Variants in AMMECR1 observed in about 807,000 individuals in gnomAD.
AMMECR1 encodes the protein nuclear protein AMMECR1.
AMMECR1 carries 3 observed loss-of-function variants against 22.5 expected under a neutral mutation model. The ratio of observed to expected loss-of-function variants is 0.13; its 90% CI spans 0.06 to 0.35. The LOEUF is 0.35. Ranked by LOEUF, AMMECR1 falls within the 10% of genes least tolerant of loss-of-function variation. The probability of loss-of-function intolerance (pLI) is 1.00; values close to 1 mark genes in which losing one functional copy is unlikely to be tolerated. For missense variants in AMMECR1, 235 were observed against 278.7 expected (o/e 0.84, Z 1.12); for synonymous variants, 130 against 116.7 (o/e 1.11, Z -0.74).
chrX:110,401,336 C>T (rs781190640), intron 2 of AMMECR1, among the ~76,000 whole-genome samples: 13 of 111,376 alleles, frequency 1.2e-4, no homozygotes, highest in Non-Finnish European at 2.5e-4. Flanking sequence ...GGACTCAGTA[C>T]TACAGTGCCA....
rs1171134056 is a variant in AMMECR1 at position 110,197,986 on chromosome X, T to C, written c.*534A>G. On this transcript the variant is annotated 3_prime_UTR_variant, in exon 6 of 6. Coordinates refer to ENST00000262844, the MANE Select transcript of AMMECR1 (RefSeq NM_015365.3). ...GTGAATTTCAGACAAAAATCAAGAG[T>C]AATATACAAATACCTGAATTTGATA... 3 of 110,615 alleles carry C rather than the reference T, an allele frequency of 2.7e-5. No individual in the cohort carries two copies. Among genetic ancestry groups the C allele is most frequent in the Non-Finnish European group, 5.7e-5 (3 of 52,758 alleles). 9.1% of individuals were successfully genotyped at this position (110,615 alleles called of 1,213,427 possible).
In AMMECR1 at chrX:110,368,278, C is replaced by T. The variant is rs763579193; in HGVS notation, c.-147-50429G>A. Among the ~76,000 whole-genome samples, 5 of 110,707 alleles carry T rather than the reference C, an allele frequency of 4.5e-5. No individual in the cohort carries two copies. In the East Asian group the frequency reaches 1.1e-3, roughly 25 times the overall value. On this transcript the variant is annotated intron_variant, in intron 2 of 7. Coordinates refer to the AMMECR1 transcript ENST00000372057. ...TGTCATGCTCCTGCTCAAAACCGTC[C>T]GTGGCCTTTTATATTGTTCACAATA... is the stretch of plus-strand genomic sequence containing the variant.
intron 2 of AMMECR1, among the ~76,000 whole-genome samples, chrX:110,339,713 C>T (rs1012208543): frequency 5.4e-5 from 6 of 110,226 alleles, no homozygotes; most frequent in South Asian, 3.9e-4. Context: ...TCAGGCTGGT[C>T]TCGAACTCCC....
rs137910633 is a variant in AMMECR1 at position 110,349,971 on chromosome X, C to T, written c.-147-32122G>A. 5.7e-3 allele frequency among the ~76,000 whole-genome samples: 635 copies of T among 111,868 alleles called. 3 individuals carry two copies. Among genetic ancestry groups the T allele is most frequent in the Middle Eastern group, 9.2e-3 (2 of 217 alleles). The stretch of plus-strand genomic sequence containing the variant: ...ATCAAGGAGATTAAGGAAAAGATGA[C>T]GTATACCGGTAGAACACAGACTTAA... On this transcript the variant is annotated intron_variant, in intron 2 of 7. Transcript: ENST00000372057.
chrX:110,394,910 A>G (rs1323540876), intron 2 of AMMECR1, among the ~76,000 whole-genome samples: 2 of 112,701 alleles, frequency 1.8e-5, no homozygotes, highest in Non-Finnish European at 3.8e-5. Context: ...TGTGTGACTC[A>G]CCCTGTGGTG....
chrX:110,430,454 C>G (rs924492154), intron 1 of AMMECR1, among the ~76,000 whole-genome samples: 1 of 112,465 alleles, frequency 8.9e-6, no homozygotes, highest in Non-Finnish European at 1.9e-5. Context: ...CAGACTCAGA[C>G]AGGCTGAATA....
intron 2 of AMMECR1, among the ~76,000 whole-genome samples, chrX:110,219,134 T>C (rs2067488668): frequency 8.9e-6 from 1 of 111,849 alleles, no homozygotes; most frequent in South Asian, 3.7e-4. Flanking sequence ...GATGTATGTT[T>C]TCATTTCTCT....
rs139983279 is a variant in AMMECR1, at chrX:110,349,023, A to G, written c.-147-31174T>C. 6.4e-3 allele frequency among the ~76,000 whole-genome samples: 722 copies of G among 112,355 alleles called. 7 individuals carry two copies. Among genetic ancestry groups the G allele is most frequent in the African/African-American group, 0.023 (700 of 30,966 alleles). On this transcript the variant is annotated intron_variant, in intron 2 of 7. Coordinates refer to the AMMECR1 transcript ENST00000372057. Reference sequence around the variant, plus strand: ...TTAAATGAGCAAAAGAAATTCAGTGATAAGATCTCATTGGCCTTAAAAGAA... The same window carrying G: ...TTAAATGAGCAAAAGAAATTCAGTGGTAAGATCTCATTGGCCTTAAAAGAA...
At chrX:110,200,480 A>G (rs1175699956) in intron 5 of AMMECR1, among the ~76,000 whole-genome samples, 2 of 111,684 alleles carry the variant, frequency 1.8e-5, no homozygotes, top group South Asian at 3.7e-4. Context: ...AAGCATCCCT[A>G]TTTTTTCATG....
chrX:110,421,665 A>G (rs2068718409), intron 2 of AMMECR1, among the ~76,000 whole-genome samples: 1 of 112,827 alleles, frequency 8.9e-6, no homozygotes, highest in Non-Finnish European at 1.9e-5. Flanking sequence ...TCATGTGCCA[A>G]TTTGTCTATT....
At chrX:110,410,410 G>A (rs5942920) in intron 2 of AMMECR1, among the ~76,000 whole-genome samples, 12,392 of 111,592 alleles carry the variant, frequency 0.11, 1,606 homozygotes, top group African/African-American at 0.37. Context: ...TAGGACAAGA[G>A]GAACTCGCCA....
intron 2 of AMMECR1, among the ~76,000 whole-genome samples, chrX:110,233,911 A>G (rs1173580936): frequency 8.9e-6 from 1 of 112,229 alleles, no homozygotes; most frequent in Non-Finnish European, 1.9e-5. Context: ...TCCTTTGAAA[A>G]CTGGCAGAAG....
At chrX:110,387,041 C>T (rs889647957) in intron 2 of AMMECR1, among the ~76,000 whole-genome samples, 4 of 112,269 alleles carry the variant, frequency 3.6e-5, no homozygotes, top group African/African-American at 1.3e-4. Flanking sequence ...GCACTTGGGG[C>T]TGAGGTGGTC....
At chrX:110,230,303 C>A (rs954526368) in intron 2 of AMMECR1, among the ~76,000 whole-genome samples, 1 of 112,037 alleles carries the variant, frequency 8.9e-6, no homozygotes, top group Admixed American at 9.4e-5. Context: ...GACGAAGCTT[C>A]CAGAGGAAGT....
intron 5 of AMMECR1, among the ~76,000 whole-genome samples, chrX:110,200,149 GC>G: frequency 9.0e-6 from 1 of 110,959 alleles, no homozygotes; most frequent in Admixed American, 9.5e-5. Context: ...TTCAAACCCA[GC>G]CCCCAGCTGA....
chrX:110,352,167 C>T (rs1378369590), intron 2 of AMMECR1, among the ~76,000 whole-genome samples: 12 of 111,854 alleles, frequency 1.1e-4, no homozygotes, highest in African/African-American at 3.2e-5. Context: ...GGCATTTTCT[C>T]AAAAAGTTAA....
intron 2 of AMMECR1, among the ~76,000 whole-genome samples, chrX:110,263,079 A>C (rs1386149481): frequency 9.0e-6 from 1 of 111,366 alleles, no homozygotes; most frequent in Non-Finnish European, 1.9e-5. Context: ...ATAACAACTT[A>C]TTTTGGGAAA....
chrX:110,206,454 C>T lies in AMMECR1; in HGVS notation c.700-3918G>A, dbSNP rs148507425. Among the ~76,000 whole-genome samples, 55 of 111,805 alleles carry T rather than the reference C, an allele frequency of 4.9e-4. No individual in the cohort carries two copies. In the East Asian group the frequency reaches 0.012, roughly 25 times the overall value. On this transcript the variant is annotated intron_variant, in intron 3 of 5. Coordinates refer to ENST00000262844, the MANE Select transcript of AMMECR1 (RefSeq NM_015365.3). ...ATTGCACAGTCAAAGCTTAATATAC[C>T]CTAGTCTGTCTAATAAGGCAAGTGT...
intron 2 of AMMECR1, among the ~76,000 whole-genome samples, chrX:110,414,405 G>A (rs1353006160): frequency 8.9e-6 from 1 of 112,647 alleles, no homozygotes; most frequent in Admixed American, 9.3e-5. Context: ...AAAGGGTGAA[G>A]TGGAGGAAAA....
Sources: gnomAD v4.1 joint callset for allele counts (sites outside exome capture counted in the v4.1 genomes callset) on GRCh38, gnomAD v4.1.1 for gene constraint, MANE v1.5 for transcripts, NCBI Gene and HGNC (gene_info 2026-07-23, HGNC 2026-07-21) for gene names.